Variants in PTBP2 observed in about 807,000 individuals in gnomAD.
PTBP2 encodes the protein polypyrimidine tract binding protein 2, also known as polypyrimidine tract-binding protein 2.
PTBP2 carries 13 observed loss-of-function variants against 61.4 expected under a neutral mutation model. The ratio of observed to expected loss-of-function variants is 0.21; its 90% confidence interval spans 0.14 to 0.34. The LOEUF (loss-of-function observed/expected upper bound fraction) is 0.34. Ranked by LOEUF, PTBP2 falls within the 10% of genes least tolerant of loss-of-function variation. The pLI is 1.00. For missense variants in PTBP2, 405 were observed against 642.6 expected (o/e 0.63, Z 4.00); for synonymous variants, 215 against 218.5 (o/e 0.98, Z 0.14).
chr1:96,755,648 A>G (rs777080546), intron 3 of PTBP2, among the ~76,000 whole-genome samples: 11 of 152,386 alleles, frequency 7.2e-5, no homozygotes, highest in Middle Eastern at 3.4e-3. Context: ...GTGGAATACA[A>G]CAGCCATGTA....
In PTBP2 at chr1:96,770,729, G is replaced by C. The variant is rs777662925; in HGVS notation, c.310G>C (p.Glu104Gln). ...TCAGGCATTTTTGGAACTAGCAACC[G>C]AGGAAGCAGCTATTACTATGGTTAA... ...KNQAFLELAT[E>Q]EAAITMVNYY... The change falls in exon 5 of 14, where the codon GAG (glutamate) becomes CAG (glutamine). Residue 104 changes from glutamate to glutamine, a missense_variant. Physicochemically the swap from Glu to Gln is conservative, Grantham distance 29. Transcript: ENST00000674951. 6.2e-7 allele frequency: 1 copy of C among 1,611,720 alleles called. No homozygotes were observed. Among genetic ancestry groups the C allele is most frequent in the Non-Finnish European group, 8.5e-7 (1 of 1,178,650 alleles).
intron 3 of PTBP2, among the ~76,000 whole-genome samples, chr1:96,765,292 G>T (rs1426978074): frequency 6.6e-6 from 1 of 152,170 alleles, no homozygotes; most frequent in African/African-American, 2.4e-5. Context: ...GAATGAAGAT[G>T]TACCTAAGTT....
intron 3 of PTBP2, among the ~76,000 whole-genome samples, chr1:96,753,025 A>G (rs1175324558): frequency 2.0e-5 from 3 of 152,132 alleles, no homozygotes; most frequent in Non-Finnish European, 2.9e-5. Context: ...GGGCTGCCCA[A>G]TCATTTGGAA....
chr1:96,762,652 C>T (rs113737801), intron 3 of PTBP2, among the ~76,000 whole-genome samples: 19 of 144,704 alleles, frequency 1.3e-4, no homozygotes, highest in East Asian at 8.7e-4. Flanking sequence ...CCGGAAGGGG[C>T]GGCTGGCCGG....
At chr1:96,791,834 T>TGTTTTTTTTTTTGTTTTTTTG (rs71590211) in intron 8 of PTBP2, among the ~76,000 whole-genome samples, 2 of 128,810 alleles carry the variant, frequency 1.6e-5, no homozygotes, top group South Asian at 2.7e-4. Flanking sequence ...TGCTTTTTTT[T>TGTTTTTTTTTTTGTTTTTTTG]TTTTTTTTTT....
rs779370357 is a variant in PTBP2 at position 96,804,905 on chromosome 1, A to G, written c.1010A>G (p.Asn337Ser). The G allele has an allele frequency of 1.9e-5, 30 of 1,608,114 alleles. No individual in the cohort carries two copies. Among genetic ancestry groups the G allele is most frequent in the South Asian group, 1.2e-4 (11 of 90,348 alleles). The change falls in exon 9 of 14, where the codon AAT becomes AGT. Residue 337 changes from asparagine to serine, a missense_variant. This residue lies in a region of PTBP2 where 342 missense variants were observed against 491.2 expected (regional missense o/e 0.70). Coordinates refer to ENST00000674951, the MANE Select transcript of PTBP2 (RefSeq NM_021190.4). ...ATGCCTGGAGTCTCAGCTGGTGGCA[A>G]TACAGTCCTGTTGGTTAGCAATTTA... ...VGMPGVSAGG[N>S]TVLLVSNLNE...
chr1:96,738,677 A>G (rs1225431185), intron 2 of PTBP2, among the ~76,000 whole-genome samples: 1 of 152,224 alleles, frequency 6.6e-6, no homozygotes, highest in African/African-American at 2.4e-5. Context: ...TGAAGATTAA[A>G]TAAGACAATG....
At chr1:96,752,392 T>C (rs936845178) in intron 3 of PTBP2, among the ~76,000 whole-genome samples, 2 of 152,144 alleles carry the variant, frequency 1.3e-5, no homozygotes, top group African/African-American at 4.8e-5. Flanking sequence ...TTGATTTCCC[T>C]TAGGTAGCTG....
At chr1:96,800,186 G>A (rs1024497533) in intron 8 of PTBP2, among the ~76,000 whole-genome samples, 1 of 152,108 alleles carries the variant, frequency 6.6e-6, no homozygotes, top group African/African-American at 2.4e-5. Context: ...CCGGAATGGT[G>A]GAAGTAAATC....
intron 3 of PTBP2, among the ~76,000 whole-genome samples, chr1:96,760,506 C>T (rs1655697986): frequency 7.5e-6 from 1 of 132,730 alleles, no homozygotes; most frequent in African/African-American, 3.0e-5. Flanking sequence ...AATGCAGTGG[C>T]ATGATCTCAG....
chr1:96,796,947 AT>A (rs1257067791), intron 8 of PTBP2, among the ~76,000 whole-genome samples: 1 of 152,254 alleles, frequency 6.6e-6, no homozygotes, highest in Non-Finnish European at 1.5e-5. Flanking sequence ...ATGAAGATGT[AT>A]CAAAAGAAGT....
In PTBP2 at chr1:96,777,586, G is replaced by A. The variant is rs747827924; in HGVS notation, c.434G>A (p.Arg145His). The A allele has an allele frequency of 1.4e-5, 23 of 1,604,382 alleles. No homozygotes were observed. The highest frequency in any genetic ancestry group is 1.7e-5 in the Admixed American group (1 of 57,646). ...ELKTDNTLNQ[R>H]AQAVLQAVTA... ...AAACTACATAATCTTAATTTCCAGC[G>A]TGCTCAGGCAGTTCTTCAAGCTGTG... is the stretch of plus-strand genomic sequence containing the variant. The change falls in exon 6 of 14, where the codon CGT becomes CAT. Residue 145 changes from arginine to histidine, a missense_variant and splice_region_variant. Transcript: ENST00000674951.
intron 3 of PTBP2, among the ~76,000 whole-genome samples, chr1:96,764,347 G>A (rs904394014): frequency 4.6e-5 from 7 of 152,178 alleles, no homozygotes; most frequent in African/African-American, 1.7e-4. Context: ...TTCCTAAGTA[G>A]CATTAGAATT....
At chr1:96,798,990 C>T (rs986713589) in intron 8 of PTBP2, among the ~76,000 whole-genome samples, 1 of 152,132 alleles carries the variant, frequency 6.6e-6, no homozygotes, top group Admixed American at 6.5e-5. Context: ...AGTGTAATAT[C>T]TGAAAGGAAA....
intron 2 of PTBP2, among the ~76,000 whole-genome samples, chr1:96,726,089 A>T (rs1362905439): frequency 1.4e-5 from 2 of 146,758 alleles, no homozygotes; most frequent in Non-Finnish European, 3.0e-5. Context: ...AAAAAAAAAA[A>T]AAAAAAAAAA....
At chr1:96,725,069 G>A (rs1020855808) in intron 2 of PTBP2, among the ~76,000 whole-genome samples, 1 of 152,176 alleles carries the variant, frequency 6.6e-6, no homozygotes, top group African/African-American at 2.4e-5. Context: ...AGTTGAGTTA[G>A]TCATGGGATT....
chr1:96,732,153 A>G (rs530419007), intron 2 of PTBP2, among the ~76,000 whole-genome samples: 7 of 152,320 alleles, frequency 4.6e-5, no homozygotes, highest in South Asian at 2.1e-4. Context: ...TCACAATTTA[A>G]ATTATGATAT....
chr1:96,725,934 G>C (rs1023016544), intron 2 of PTBP2, among the ~76,000 whole-genome samples: 3 of 151,408 alleles, frequency 2.0e-5, no homozygotes, highest in East Asian at 2.0e-4. Context: ...AATTAGCCGG[G>C]TGTGGTGACG....
intron 3 of PTBP2, among the ~76,000 whole-genome samples, chr1:96,759,740 C>T (rs1655581103): frequency 6.6e-6 from 1 of 152,122 alleles, no homozygotes; most frequent in South Asian, 2.1e-4. Flanking sequence ...AAAGACAAGG[C>T]ACAGACTTGG....
Sources: allele counts gnomAD v4.1 joint callset (sites outside exome capture counted in the v4.1 genomes callset), GRCh38; gene constraint gnomAD v4.1.1; regional missense constraint gnomAD v4.1.1; transcripts MANE v1.5; gene names NCBI Gene and HGNC (gene_info 2026-07-23, HGNC 2026-07-21).